SRBD1: variants seen among roughly 807,000 people sequenced by gnomAD.
The protein encoded by SRBD1 is S1 RNA binding domain 1, also known as S1 RNA-binding domain-containing protein 1.
SRBD1 carries 88 observed loss-of-function variants against 115.3 expected under a neutral mutation model. The observed-to-expected ratio is 0.76, with a 90% CI of 0.64 to 0.91. SRBD1 has a LOEUF of 0.91. Among genes scored for constraint, SRBD1 ranks in the 40% least tolerant of loss-of-function variants. SRBD1 has a pLI of 0.00. For missense variants in SRBD1, 1,385 were observed against 1,177.4 expected (o/e 1.18, Z -2.58); for synonymous variants, 509 against 407.7 (o/e 1.25, Z -2.99).
At chr2:45,564,053 T>C (rs1332376914) in intron 9 of SRBD1, among the ~76,000 whole-genome samples, 2 of 152,076 alleles carry the variant, frequency 1.3e-5, no homozygotes, top group African/African-American at 2.4e-5. Context: ...AATAAAGTAA[T>C]AGCAAACCAC....
At chr2:45,559,617 G>C (rs184337590) in intron 10 of SRBD1, among the ~76,000 whole-genome samples, 1 of 152,056 alleles carries the variant, frequency 6.6e-6, no homozygotes, top group Admixed American at 6.6e-5. Flanking sequence ...ACAGAAGAGG[G>C]TGAAGAAATA....
chr2:45,422,265 C>G (rs1668028712), intron 16 of SRBD1, among the ~76,000 whole-genome samples: 1 of 152,104 alleles, frequency 6.6e-6, no homozygotes. Context: ...TTTTGGTTGC[C>G]TATCCTAACC....
intron 19 of SRBD1, among the ~76,000 whole-genome samples, chr2:45,409,166 G>A (rs1021785393): frequency 2.0e-5 from 3 of 152,082 alleles, no homozygotes; most frequent in East Asian, 3.9e-4. Flanking sequence ...AGGCTGCAGT[G>A]AGCCAAGATC....
chr2:45,509,298 T>C (rs1044357084), intron 14 of SRBD1, among the ~76,000 whole-genome samples: 3 of 152,072 alleles, frequency 2.0e-5, no homozygotes, highest in Non-Finnish European at 4.4e-5. Context: ...TTTTACGTAT[T>C]AGAAACACAC....
chr2:45,601,911 C>G lies in SRBD1; in HGVS notation c.253G>C (p.Glu85Gln), dbSNP rs1438838559. Reference sequence around the variant, plus strand: ...CCAGCTGTAGCACCTACCAGCTCCTCCTTAACAACAACGACTTCTGAGCCA... The same window carrying G: ...CCAGCTGTAGCACCTACCAGCTCCTGCTTAACAACAACGACTTCTGAGCCA... ...SDGSEVVVVK[E>Q]ELNSSVAIAD... Residue 85 changes from glutamate (E) to glutamine (Q), a missense_variant, in exon 3 of 21, where the codon GAG becomes CAG. Physicochemically the swap from Glu to Gln is conservative, Grantham distance 29. Coordinates refer to ENST00000263736, the MANE Select transcript of SRBD1 (RefSeq NM_018079.5). 6.2e-7 allele frequency: 1 copy of G among 1,614,126 alleles called. No individual in the cohort carries two copies. Among genetic ancestry groups the G allele is most frequent in the Non-Finnish European group, 8.5e-7 (1 of 1,179,982 alleles).
At chr2:45,480,425 G>A (rs1232705817) in intron 15 of SRBD1, among the ~76,000 whole-genome samples, 1 of 152,172 alleles carries the variant, frequency 6.6e-6, no homozygotes, top group African/African-American at 2.4e-5. Context: ...TTGGAGGACA[G>A]TGATTTCAAC....
At chr2:45,416,262 T>C (rs191521097) in intron 18 of SRBD1, among the ~76,000 whole-genome samples, 287 of 117,558 alleles carry the variant, frequency 2.4e-3, no homozygotes, top group Non-Finnish European at 3.1e-3. Flanking sequence ...ATAGAAAGTA[T>C]AAAAATTAAA....
chr2:45,557,071 A>C (rs1672503197), intron 10 of SRBD1, among the ~76,000 whole-genome samples: 1 of 152,186 alleles, frequency 6.6e-6, no homozygotes, highest in African/African-American at 2.4e-5. Flanking sequence ...AAATTATAGC[A>C]TATGTAAAAG....
intron 20 of SRBD1, among the ~76,000 whole-genome samples, chr2:45,390,856 T>TA (rs1666977188): frequency 6.6e-6 from 1 of 152,176 alleles, no homozygotes; most frequent in Non-Finnish European, 1.5e-5. Flanking sequence ...ACTGTACACA[T>TA]AAAAATGAGT....
intron 6 of SRBD1, among the ~76,000 whole-genome samples, chr2:45,581,142 C>A (rs1228946078): frequency 2.0e-5 from 3 of 152,152 alleles, no homozygotes; most frequent in Non-Finnish European, 4.4e-5. Flanking sequence ...AACTTCTCTG[C>A]TACACATAAC....
chr2:45,425,365 A>G (rs1668121405), intron 16 of SRBD1, among the ~76,000 whole-genome samples: 1 of 152,114 alleles, frequency 6.6e-6, no homozygotes, highest in Admixed American at 6.5e-5. Context: ...CATATATAAG[A>G]TTTTTTCTAA....
intron 16 of SRBD1, among the ~76,000 whole-genome samples, chr2:45,446,673 A>G (rs562964176): frequency 6.6e-6 from 1 of 151,830 alleles, no homozygotes; most frequent in Non-Finnish European, 1.5e-5. Flanking sequence ...ATAAAAAGAC[A>G]TGAGCATCTA....
chr2:45,500,572 G>A (rs888543456), intron 14 of SRBD1, among the ~76,000 whole-genome samples: 1 of 151,896 alleles, frequency 6.6e-6, no homozygotes, highest in Non-Finnish European at 1.5e-5. Context: ...ATAAGCACAT[G>A]CCATCATGCC....
chr2:45,478,770 AAAC>A (rs1229305685), intron 15 of SRBD1, among the ~76,000 whole-genome samples: 7 of 152,210 alleles, frequency 4.6e-5, no homozygotes, highest in Non-Finnish European at 8.8e-5. Context: ...CTCTGAGTAA[AAAC>A]AACAACAAAA....
chr2:45,516,696 A>G (rs922382538), intron 14 of SRBD1, among the ~76,000 whole-genome samples: 1 of 152,268 alleles, frequency 6.6e-6, no homozygotes, highest in Non-Finnish European at 1.5e-5. Flanking sequence ...GTGTAGAGGT[A>G]TAAAAACATA....
At chr2:45,524,986 CAT>C (rs1275519396) in intron 14 of SRBD1, among the ~76,000 whole-genome samples, 1 of 151,922 alleles carries the variant, frequency 6.6e-6, no homozygotes, top group Non-Finnish European at 1.5e-5. Context: ...AATAAACACA[CAT>C]GTCTACGGTC....
rs559414005 is a variant in SRBD1 at position 45,419,737 on chromosome 2, C to G, written c.2156+51G>C. The G allele has an allele frequency of 2.6e-6, 4 of 1,535,662 alleles. No homozygotes were observed. In the East Asian group the frequency reaches 6.7e-5, roughly 26 times the overall value. ...TTCTTCTAGCCGAGTTTGGACTGGA[C>G]AGCCAGTTAAACTCAAGATTCTGTG... is the stretch of plus-strand genomic sequence containing the variant. On this transcript the variant is annotated intron_variant, in intron 17 of 20. Coordinates refer to ENST00000263736, the MANE Select transcript of SRBD1 (RefSeq NM_018079.5).
rs1209498930 is a variant in SRBD1 at position 45,488,328 on chromosome 2, G to A, written c.1878C>T (p.Ile626=). 1.9e-6 allele frequency: 3 copies of A among 1,611,948 alleles called. No homozygotes were observed. Among genetic ancestry groups the A allele is most frequent in the African/African-American group, 1.3e-5 (1 of 74,720 alleles). Residue 626 remains isoleucine, a synonymous_variant, in exon 15 of 21, where the codon ATC becomes ATT. Transcript: ENST00000263736. ...AGATTGATGCTCCTGCTTCACTGACGATACTGAGAAGACAGAAAAAGGGGA... is the reference window on the plus strand; with the variant it reads ...AGATTGATGCTCCTGCTTCACTGACAATACTGAGAAGACAGAAAAAGGGGA... ...YFAPLDVVYC[I]VSEAGASIYS...
At chr2:45,402,232 A>G (rs13003471) in intron 19 of SRBD1, among the ~76,000 whole-genome samples, 8,331 of 152,230 alleles carry the variant, frequency 0.055, 289 homozygotes, top group Middle Eastern at 0.11. Flanking sequence ...GGGTTAATCT[A>G]CTTTTGGTTC....
Sources: gnomAD v4.1 joint callset for allele counts (sites outside exome capture counted in the v4.1 genomes callset) on GRCh38, gnomAD v4.1.1 for gene constraint, MANE v1.5 for transcripts, NCBI Gene and HGNC (gene_info 2026-07-23, HGNC 2026-07-21) for gene names.